SEC62: variants seen among roughly 807,000 people sequenced by gnomAD.
SEC62 encodes translocation protein SEC62.
In SEC62, 10 loss-of-function variants were observed where a neutral mutation model predicts 47.5. The ratio of observed to expected loss-of-function variants is 0.21; its 90% CI spans 0.13 to 0.36. SEC62 has a LOEUF of 0.36. Among genes scored for constraint, SEC62 ranks in the 10% least tolerant of loss-of-function variants. The pLI is 1.00. For missense variants in SEC62, 327 were observed against 464.1 expected (o/e 0.70, Z 2.71); for synonymous variants, 136 against 150.5 (o/e 0.90, Z 0.71).
chr3:169,983,059 A>C, intron 4 of SEC62, 102 bp from the exon 5 acceptor site: 1 of 1,455,846 alleles, frequency 6.9e-7, no homozygotes, highest in Non-Finnish European at 9.3e-7. Flanking sequence ...GAGAATTTTT[A>C]TTTCTGTGTT....
At chr3:169,971,685 T>G (rs1010937005) in intron 1 of SEC62, among the ~76,000 whole-genome samples, 2 of 152,218 alleles carry the variant, frequency 1.3e-5, no homozygotes, top group Non-Finnish European at 2.9e-5. Flanking sequence ...TTAAATTTTG[T>G]GCATACATAT....
intron 7 of SEC62, among the ~76,000 whole-genome samples, chr3:169,989,992 A>C (rs1370700507): frequency 7.2e-6 from 1 of 139,678 alleles, no homozygotes; most frequent in East Asian, 2.0e-4. Context: ...TATGATATAT[A>C]GATATATGAT....
At position 169,972,871 on chromosome 3, in the gene SEC62, G is replaced by A. The variant is rs76723200; in HGVS notation, c.37-2737G>A. Among the ~76,000 whole-genome samples the A allele has an allele frequency of 4.9e-3, 744 of 152,282 alleles. 4 individuals carry two copies. Among genetic ancestry groups the A allele is most frequent in the African/African-American group, 0.017 (723 of 41,556 alleles). On this transcript the variant is annotated intron_variant, in intron 1 of 7. Transcript: ENST00000337002. ...CTGTAGCATCCAAAGATGATAGGGT[G>A]AGTACTCTGTAAGTCTGGAAGAACA...
intron 3 of SEC62, 129 bp from the exon 4 acceptor site, chr3:169,982,578 A>G: frequency 9.4e-7 from 1 of 1,064,362 alleles, no homozygotes; most frequent in African/African-American, 1.6e-5. Flanking sequence ...TCACGGGCAT[A>G]CTAGTTGTAA....
chr3:169,988,580 T>C (rs1408326363), intron 7 of SEC62, among the ~76,000 whole-genome samples: 1 of 152,204 alleles, frequency 6.6e-6, no homozygotes, highest in African/African-American at 2.4e-5. Flanking sequence ...TTTAATAAGA[T>C]TATTTTTTAT....
intron 7 of SEC62, among the ~76,000 whole-genome samples, chr3:169,988,662 T>C (rs1715164664): frequency 6.6e-6 from 1 of 152,182 alleles, no homozygotes; most frequent in South Asian, 2.1e-4. Flanking sequence ...ATGTGGAATG[T>C]TTAAATCAAG....
chr3:169,978,921 T>A (rs1333440516), intron 3 of SEC62, among the ~76,000 whole-genome samples: 1 of 152,180 alleles, frequency 6.6e-6, no homozygotes, highest in African/African-American at 2.4e-5. Flanking sequence ...CCACAGTCTG[T>A]GTTCTTAACT....
In SEC62 at chr3:169,975,554, C is replaced by T. The variant is rs544001606; in HGVS notation, c.37-54C>T. 168 of 1,089,682 alleles carry T rather than the reference C, an allele frequency of 1.5e-4. 4 individuals carry two copies. In the South Asian group the frequency reaches 1.9e-3, roughly 12 times the overall value. The allele number at this position is 1,089,682 out of a possible 1,614,324, so 67.5% of individuals were successfully genotyped here. On this transcript the variant is annotated intron_variant, in intron 1 of 7. Transcript: ENST00000337002. ...AATAGATTTGTAAATTATTATTCAG[C>T]GCATGAATTTCTCAAGTATATGATT...
intron 1 of SEC62, among the ~76,000 whole-genome samples, chr3:169,972,580 C>CTTTTTTTTTTT (rs11391826): frequency 2.0e-4 from 23 of 114,942 alleles, no homozygotes; most frequent in South Asian, 6.2e-4. Context: ...CTTTTTCTAT[C>CTTTTTTTTTTT]TTTTTTTTTT....
intron 2 of SEC62, 151 bp from the exon 3 acceptor site, chr3:169,976,795 A>G (rs1417408092): frequency 2.2e-6 from 1 of 464,310 alleles, no homozygotes; most frequent in South Asian, 4.3e-5. Context: ...TTGGGGAACT[A>G]CTAATCATGA....
intron 3 of SEC62, 30 bp downstream of exon 3, chr3:169,977,081 A>T (rs746049736): frequency 6.7e-7 from 1 of 1,496,534 alleles, no homozygotes; most frequent in Non-Finnish European, 9.2e-7. Context: ...GAAGAATAAC[A>T]TAATAATTTT....
rs1276735105 is a variant in SEC62, at chr3:169,992,859, A to G, written c.996A>G (p.Thr332=). The G allele has an allele frequency of 1.2e-6, 2 of 1,614,024 alleles. No individual in the cohort carries two copies. Among genetic ancestry groups the G allele is most frequent in the African/African-American group, 2.7e-5 (2 of 74,924 alleles). The change falls in exon 8 of 8, where the codon ACA becomes ACG. Residue 332 remains threonine, a synonymous_variant. Transcript: ENST00000337002. This position sits in a 1 kb window ranked among gnomAD's most constrained non-coding sequence, Gnocchi z 4.0. ...AAGTAGGACCAGGAAATCATGGAAC[A>G]GAAGGCTCGGGGGGAGAACGGCATT... ...EGKVGPGNHG[T]EGSGGERHSD... is the part of the protein sequence containing the mutation.
intron 3 of SEC62, among the ~76,000 whole-genome samples, chr3:169,982,418 T>G (rs1714995835): frequency 6.6e-6 from 1 of 152,170 alleles, no homozygotes; most frequent in South Asian, 2.1e-4. Context: ...AGAAAGAGTC[T>G]TTATATGGAT....
intron 1 of SEC62, 98 bp downstream of exon 1, chr3:169,966,956 GT>G: frequency 1.0e-6 from 1 of 976,228 alleles, no homozygotes; most frequent in Non-Finnish European, 1.5e-6. Flanking sequence ...CAAGGGCGAG[GT>G]GGGGTGGGGT....
chr3:169,979,304 C>T (rs1714917035), intron 3 of SEC62, among the ~76,000 whole-genome samples: 1 of 152,140 alleles, frequency 6.6e-6, no homozygotes, highest in African/African-American at 2.4e-5. Flanking sequence ...GTCTCTTGAC[C>T]AGTTTCTTTT....
chr3:169,979,018 G>C (rs1714910056), intron 3 of SEC62, among the ~76,000 whole-genome samples: 1 of 152,150 alleles, frequency 6.6e-6, no homozygotes, highest in South Asian at 2.1e-4. Context: ...GAGTAGAGCA[G>C]CCAGTATGAA....
rs770626905 is a variant in SEC62, at chr3:169,985,787, G to A, written c.550-18G>A. The A allele has an allele frequency of 9.4e-6, 15 of 1,599,572 alleles. No homozygotes were observed. In the East Asian group the frequency reaches 2.2e-4, roughly 24 times the overall value. The stretch of plus-strand genomic sequence containing the variant: ...GACATTAGAACTTTTAAGCACCGAG[G>A]TTTCTTGATTCTTCTAGGTGTATGT... On this transcript the variant is annotated intron_variant, in intron 5 of 7. Transcript: ENST00000337002.
intron 2 of SEC62, among the ~76,000 whole-genome samples, chr3:169,976,481 C>T (rs1009527324): frequency 2.0e-5 from 3 of 152,140 alleles, no homozygotes; most frequent in African/African-American, 7.2e-5. Context: ...AGTAGATGTG[C>T]TAATCTCTTC....
intron 1 of SEC62, 44 bp downstream of exon 1, chr3:169,966,902 T>C (rs1329922960): frequency 7.8e-6 from 12 of 1,536,012 alleles, no homozygotes; most frequent in African/African-American, 2.9e-5. Flanking sequence ...GCGCGCTGGA[T>C]AGTGGAAGGG....
Sources: gnomAD v4.1 joint callset for allele counts (sites outside exome capture counted in the v4.1 genomes callset) on GRCh38, gnomAD v4.1.1 for gene constraint, Gnocchi (gnomAD v3.1) non-coding constraint, MANE v1.5 for transcripts, NCBI Gene and HGNC (gene_info 2026-07-23, HGNC 2026-07-21) for gene names.